CTTNBP2NL: variants seen among roughly 807,000 people sequenced by gnomAD.
CTTNBP2NL encodes the protein CTTNBP2 N-terminal-like protein.
CTTNBP2NL carries 16 observed loss-of-function variants against 32.5 expected under a neutral mutation model. That is an observed-to-expected ratio of 0.49 (90% CI 0.33 to 0.75). The LOEUF is 0.75. Ranked by LOEUF, CTTNBP2NL falls within the 30% of genes least tolerant of loss-of-function variation. CTTNBP2NL has a pLI of 0.02. For synonymous variants in CTTNBP2NL, 298 were observed against 289.4 expected (o/e 1.03, Z -0.30); for missense variants, 645 against 756.0 (o/e 0.85, Z 1.72).
chr1:112,444,106 C>T (rs1305552711), intron 3 of CTTNBP2NL, among the ~76,000 whole-genome samples: 2 of 152,200 alleles, frequency 1.3e-5, no homozygotes, highest in Non-Finnish European at 2.9e-5. Context: ...TCAGAATTGT[C>T]TCTTTAGTGG....
chr1:112,416,085 C>T (rs1649052885), intron 2 of CTTNBP2NL, 72 bp from the exon 3 acceptor site: 2 of 815,454 alleles, frequency 2.5e-6, no homozygotes, highest in Middle Eastern at 2.5e-4. Flanking sequence ...TTATCTCTCA[C>T]TTTATTTTTT....
chr1:112,418,810 G>T (rs1406660455), intron 3 of CTTNBP2NL, among the ~76,000 whole-genome samples: 1 of 152,014 alleles, frequency 6.6e-6, no homozygotes, highest in Non-Finnish European at 1.5e-5. Flanking sequence ...ATAAAGGAAG[G>T]TTAATCAATG....
At chr1:112,452,214 C>T (rs1331718588) in intron 4 of CTTNBP2NL, among the ~76,000 whole-genome samples, 1 of 151,986 alleles carries the variant, frequency 6.6e-6, no homozygotes. Flanking sequence ...GGCGGGAGTA[C>T]AGTGGCTATT....
intron 1 of CTTNBP2NL, among the ~76,000 whole-genome samples, chr1:112,400,552 G>T (rs919628504): frequency 1.3e-5 from 2 of 152,120 alleles, no homozygotes; most frequent in African/African-American, 2.4e-5. Context: ...CAGCACTTTG[G>T]GAGGCCAAGG....
rs1157736195 is a variant in CTTNBP2NL, at chr1:112,452,335, C to CTTTTT, written c.331-2091_331-2087dup. Among the ~76,000 whole-genome samples, 12 of 65,720 alleles carry CTTTTT rather than the reference C, an allele frequency of 1.8e-4. 1 individual carries two copies. Among genetic ancestry groups the CTTTTT allele is most frequent in the African/African-American group, 4.9e-4 (8 of 16,412 alleles). The allele number at this position is 65,720 out of a possible 152,430, so 43.1% of individuals were successfully genotyped here. On this transcript the variant is annotated intron_variant, in intron 4 of 5. Coordinates refer to ENST00000271277, the MANE Select transcript of CTTNBP2NL (RefSeq NM_018704.3). Reference sequence around the variant, plus strand: ...GCATACACCACAGCACCAGTCTCTTCTTTTTTTTTTTTTTTTTTTTTTTTT... The same window carrying CTTTTT: ...GCATACACCACAGCACCAGTCTCTTCTTTTTTTTTTTTTTTTTTTTTTTTTTTTTT...
Position 112,425,578 on chromosome 1 carries a change from T to C in CTTNBP2NL, c.99+9314T>C, listed in dbSNP as rs546884138. Among the ~76,000 whole-genome samples, 8 of 152,116 alleles carry C rather than the reference T, an allele frequency of 5.3e-5. No homozygotes were observed. In the East Asian group the frequency reaches 1.4e-3, roughly 26 times the overall value. On this transcript the variant is annotated intron_variant, in intron 3 of 5. Coordinates refer to ENST00000271277, the MANE Select transcript of CTTNBP2NL (RefSeq NM_018704.3). ...CCAGTAGCTTTTAAAATAAATTTCA[T>C]GGGGGCCCACGACGGTGGCTCATGC...
In CTTNBP2NL at chr1:112,416,145, C is replaced by T. The variant is rs756810723; in HGVS notation, c.-9-12C>T. ...GTCTTTGGAGATTGTCTGATTGTTA[C>T]CTTTGTTTCAGGCTTTCAAGATGAA... On this transcript the variant is annotated splice_polypyrimidine_tract_variant and intron_variant, in intron 2 of 5. Coordinates refer to ENST00000271277, the MANE Select transcript of CTTNBP2NL (RefSeq NM_018704.3). The T allele has an allele frequency of 8.2e-6, 11 of 1,346,322 alleles. No individual in the cohort carries two copies. The highest frequency in any genetic ancestry group is 2.3e-5 in the East Asian group (1 of 43,416). The allele number at this position is 1,346,322 out of a possible 1,614,324, so 83.4% of individuals were successfully genotyped here.
At chr1:112,431,759 C>T (rs1021428643) in intron 3 of CTTNBP2NL, among the ~76,000 whole-genome samples, 1 of 151,964 alleles carries the variant, frequency 6.6e-6, no homozygotes. Context: ...ACAGTGAAAA[C>T]AAATTGCAAA....
chr1:112,435,930 A>G (rs1034595601), intron 3 of CTTNBP2NL, among the ~76,000 whole-genome samples: 2 of 152,182 alleles, frequency 1.3e-5, no homozygotes, highest in African/African-American at 4.8e-5. Flanking sequence ...ATCTGGATAC[A>G]TACAAAAATA....
At chr1:112,411,673 G>C (rs767797047) in intron 1 of CTTNBP2NL, among the ~76,000 whole-genome samples, 2 of 142,796 alleles carry the variant, frequency 1.4e-5, no homozygotes, top group African/African-American at 5.1e-5. Context: ...AAAAATTTCC[G>C]TTGTAATTAT....
chr1:112,402,422 AAAAAG>A (rs1261241630), intron 1 of CTTNBP2NL, among the ~76,000 whole-genome samples: 4 of 152,116 alleles, frequency 2.6e-5, no homozygotes, highest in Admixed American at 1.3e-4. Flanking sequence ...CCATCTCAAA[AAAAAG>A]AAAAGTGAGA....
At chr1:112,431,329 A>C (rs1450856596) in intron 3 of CTTNBP2NL, among the ~76,000 whole-genome samples, 1 of 152,242 alleles carries the variant, frequency 6.6e-6, no homozygotes, top group African/African-American at 2.4e-5. Context: ...AGTTGTCCCC[A>C]TAAAGAGAAG....
At chr1:112,408,219 A>ATTT (rs1648740717) in intron 1 of CTTNBP2NL, among the ~76,000 whole-genome samples, 3 of 117,708 alleles carry the variant, frequency 2.5e-5, no homozygotes, top group African/African-American at 1.6e-4. Context: ...TTTTTTTTTT[A>ATTT]ATTTTTTTTT....
intron 3 of CTTNBP2NL, among the ~76,000 whole-genome samples, chr1:112,419,691 G>T (rs1649166092): frequency 6.6e-6 from 1 of 152,148 alleles, no homozygotes; most frequent in African/African-American, 2.4e-5. Context: ...ATTGAACTTA[G>T]CAATCACCAT....
upstream of CTTNBP2NL, among the ~76,000 whole-genome samples, chr1:112,395,967 G>A (rs931341757): frequency 6.6e-6 from 1 of 152,228 alleles, no homozygotes; most frequent in African/African-American, 2.4e-5. Context: ...GAGCCGGGAG[G>A]GGCGCGAGCC....
At chr1:112,411,197 G>A (rs1648852947) in intron 1 of CTTNBP2NL, among the ~76,000 whole-genome samples, 1 of 152,134 alleles carries the variant, frequency 6.6e-6, no homozygotes, top group Admixed American at 6.5e-5. Flanking sequence ...TTGTTTTAAT[G>A]AAGCAACCAA....
intron 1 of CTTNBP2NL, among the ~76,000 whole-genome samples, chr1:112,398,836 A>AT (rs1223123329): frequency 6.8e-6 from 1 of 147,834 alleles, no homozygotes; most frequent in Non-Finnish European, 1.5e-5. Flanking sequence ...AAAAAAAAAA[A>AT]GTTAAAAAAA....
intron 3 of CTTNBP2NL, among the ~76,000 whole-genome samples, chr1:112,438,117 G>A (rs112302460): frequency 0.028 from 4,273 of 152,136 alleles, 211 homozygotes; most frequent in African/African-American, 0.098. Context: ...TCCATCTTGA[G>A]TTAATTTTTG....
chr1:112,456,955 C>A lies in CTTNBP2NL; in HGVS notation c.1463C>A (p.Ser488Tyr). Residue 488 changes from serine (S) to tyrosine (Y), a missense_variant, in exon 6 of 6, where the codon TCC becomes TAC. By Grantham distance (144) the Ser-to-Tyr change is moderately radical. Coordinates refer to ENST00000271277, the MANE Select transcript of CTTNBP2NL (RefSeq NM_018704.3). The part of the protein sequence containing the change: ...GLQSPPSRDL[S>Y]PTLIDNSAAK... ...CAGAGCCCTCCATCCAGGGATTTAT[C>A]CCCCACCCTCATAGACAACTCTGCC... 2 of 1,614,092 alleles carry A rather than the reference C, an allele frequency of 1.2e-6. No individual in the cohort carries two copies. Among genetic ancestry groups the A allele is most frequent in the Non-Finnish European group, 1.7e-6 (2 of 1,180,028 alleles).
Sources: allele counts gnomAD v4.1 joint callset (sites outside exome capture counted in the v4.1 genomes callset), GRCh38; gene constraint gnomAD v4.1.1; transcripts MANE v1.5; gene names NCBI Gene and HGNC (gene_info 2026-07-23, HGNC 2026-07-21).